The following MKRN1 variants were observed in gnomAD, a reference collection of about 807,000 sequenced individuals.
MKRN1 encodes the protein makorin ring finger protein 1.
In MKRN1, 9 loss-of-function variants were observed where a neutral mutation model predicts 55.5. That is an observed-to-expected ratio of 0.16 (90% CI 0.10 to 0.28). MKRN1 has a LOEUF of 0.28. MKRN1 is among the 10% of genes least tolerant of loss of function. The pLI, the probability that MKRN1 is intolerant of heterozygous loss-of-function variation, is 1.00. For synonymous variants in MKRN1, 253 were observed against 235.9 expected, an observed-to-expected ratio of 1.07 and a Z score of -0.66; for missense variants, 488 against 626.7, an observed-to-expected ratio of 0.78 and a Z score of 2.36.
chr7:140,456,640 G>A lies in MKRN1; in HGVS notation c.986+12C>T. 1 of 1,613,334 alleles carries A rather than the reference G, an allele frequency of 6.2e-7. No individual in the cohort carries two copies. The highest frequency in any genetic ancestry group is 1.1e-5 in the South Asian group (1 of 91,036). On this transcript the variant is annotated intron_variant, in intron 5 of 7. Coordinates refer to ENST00000255977, the MANE Select transcript of MKRN1 (RefSeq NM_013446.4). ...AGAGAAAGCACAAATGAAGACTGGG[G>A]AGGAGTCTCACTTTATGATCTTGCT... is the stretch of plus-strand genomic sequence containing the variant.
At chr7:140,460,310 C>CTTTTTTTTTTT in intron 2 of MKRN1, 1 of 112,352 alleles carries the variant, frequency 8.9e-6, no homozygotes, top group Non-Finnish European at 1.7e-5. Flanking sequence ...TTTTTCTTTT[C>CTTTTTTTTTTT]TTTTTTTTTT....
At chr7:140,478,488 A>C (rs992190224) in intron 1 of MKRN1, 1 of 144,734 alleles carries the variant, frequency 6.9e-6, no homozygotes, top group Non-Finnish European at 1.5e-5. Flanking sequence ...GCTCAAAAAA[A>C]CCGCGGGTGG....
At chr7:140,475,239 A>G (rs1252807064) in intron 1 of MKRN1, 5 of 430,506 alleles carry the variant, frequency 1.2e-5, no homozygotes, top group Non-Finnish European at 2.3e-5. Flanking sequence ...GCTTCTCGGA[A>G]GGCTGAGGCA....
At chr7:140,457,151 G>A (rs911232236) in intron 4 of MKRN1, among the ~76,000 whole-genome samples, 1 of 152,060 alleles carries the variant, frequency 6.6e-6, no homozygotes, top group Non-Finnish European at 1.5e-5. Flanking sequence ...CAAACCTGGA[G>A]CTCAACTACA....
intron 1 of MKRN1, among the ~76,000 whole-genome samples, chr7:140,472,860 G>T (rs540740633): frequency 7.5e-4 from 114 of 151,720 alleles, no homozygotes; most frequent in Non-Finnish European, 1.1e-3. Context: ...GCCCACACCT[G>T]TAATCCCAGC....
At chr7:140,467,435 G>A (rs905496031) in intron 2 of MKRN1, among the ~76,000 whole-genome samples, 23 of 152,006 alleles carry the variant, frequency 1.5e-4, no homozygotes, top group Admixed American at 1.3e-3. Flanking sequence ...GTGCCACCAT[G>A]CCCAGCTAAT....
intron 5 of MKRN1, 28 bp from the exon 6 acceptor site, chr7:140,455,928 CA>C: frequency 1.3e-6 from 2 of 1,571,162 alleles, no homozygotes; most frequent in Non-Finnish European, 8.8e-7. Flanking sequence ...GGCTGCAATG[CA>C]AATTCCCCTT....
intron 6 of MKRN1, 141 bp from the exon 7 acceptor site, chr7:140,455,374 A>G (rs1794438237): frequency 9.6e-7 from 1 of 1,044,550 alleles, no homozygotes; most frequent in Non-Finnish European, 1.4e-6. Flanking sequence ...TCTTATAAAC[A>G]TGTGTGTGCC....
At chr7:140,468,530 A>G (rs1443605100) in intron 2 of MKRN1, among the ~76,000 whole-genome samples, 1 of 151,500 alleles carries the variant, frequency 6.6e-6, no homozygotes, top group African/African-American at 2.4e-5. Flanking sequence ...GTGAAACCCT[A>G]ACTCTACTAA....
chr7:140,466,968 T>C (rs927927586), intron 2 of MKRN1, among the ~76,000 whole-genome samples: 4 of 144,494 alleles, frequency 2.8e-5, no homozygotes, highest in African/African-American at 1.1e-4. Flanking sequence ...TAAGGTTCCT[T>C]TCAACTTTTT....
chr7:140,459,272 T>C (rs1794551376), intron 3 of MKRN1, 39 bp from the exon 4 acceptor site: 2 of 1,595,392 alleles, frequency 1.3e-6, no homozygotes, highest in Admixed American at 1.7e-5. Context: ...TCCAAATAGA[T>C]AAGGCATGAA....
At chr7:140,457,054 T>C in intron 4 of MKRN1, 188 bp from the exon 5 acceptor site, 1 of 622,156 alleles carries the variant, frequency 1.6e-6, no homozygotes, top group East Asian at 3.0e-5. Context: ...GTTTGTTTGT[T>C]TTTGCGGTGG....
intron 2 of MKRN1, 150 bp from the exon 3 acceptor site, chr7:140,460,086 CA>C: frequency 1.5e-6 from 1 of 671,072 alleles, no homozygotes. Flanking sequence ...CCGTCACTAC[CA>C]AAAACGCAAA....
At position 140,454,299 on chromosome 7, in the gene MKRN1, C is replaced by T; in HGVS notation, c.*218G>A. ...TTAAATTCGTGTTACAAAAAACTAA[C>T]TTTAAGATTTATTTTTGTAACTTTT... On this transcript the variant is annotated 3_prime_UTR_variant, in exon 8 of 8. Coordinates refer to ENST00000255977, the MANE Select transcript of MKRN1 (RefSeq NM_013446.4). The T allele has an allele frequency of 1.7e-6, 1 of 578,588 alleles. No homozygotes were observed. The highest frequency in any genetic ancestry group is 3.1e-6 in the Non-Finnish European group (1 of 324,722). 35.8% of individuals were successfully genotyped at this position (578,588 alleles called of 1,614,324 possible). A position where few individuals can be genotyped will look rare whatever the true frequency, so the allele number is the denominator to read the frequency against.
Position 140,454,455 on chromosome 7 carries a change from C to T in MKRN1, c.*62G>A. ...AGGAGAGAACACAGGCACTGCCACA[C>T]CACCACAGGGGACAGCTGCTGTCTG... On this transcript the variant is annotated 3_prime_UTR_variant, in exon 8 of 8. Coordinates refer to ENST00000255977, the MANE Select transcript of MKRN1 (RefSeq NM_013446.4). The T allele has an allele frequency of 2.7e-6, 4 of 1,508,554 alleles. No individual in the cohort carries two copies. The highest frequency in any genetic ancestry group is 3.6e-6 in the Non-Finnish European group (4 of 1,099,784). The allele number at this position is 1,508,554 out of a possible 1,614,324, so 93.4% of individuals were successfully genotyped here. A position where few individuals can be genotyped will look rare whatever the true frequency, so the allele number is the denominator to read the frequency against.
intron 2 of MKRN1, among the ~76,000 whole-genome samples, chr7:140,465,106 T>C (rs573980436): frequency 6.6e-6 from 1 of 152,294 alleles, no homozygotes; most frequent in Admixed American, 6.5e-5. Context: ...CTTTCCCTGG[T>C]TGGTTTACAA....
At chr7:140,455,453 A>G in intron 6 of MKRN1, 1 of 591,470 alleles carries the variant, frequency 1.7e-6, no homozygotes, top group Non-Finnish European at 3.0e-6. Flanking sequence ...GCTCTAGTAC[A>G]AGCAGATGCC....
chr7:140,457,389 G>C (rs1324065754), intron 4 of MKRN1, among the ~76,000 whole-genome samples: 1 of 152,138 alleles, frequency 6.6e-6, no homozygotes, highest in Non-Finnish European at 1.5e-5. Context: ...ATGCTGCCAA[G>C]AACATTCATG....
intron 5 of MKRN1, 170 bp from the exon 6 acceptor site, chr7:140,456,070 A>C (rs1246861131): frequency 1.0e-5 from 10 of 978,498 alleles, no homozygotes; most frequent in Non-Finnish European, 1.4e-5. Context: ...TCTTTCAAGC[A>C]AGGCAACCTC....
Sources: gnomAD v4.1 joint callset for allele counts (sites outside exome capture counted in the v4.1 genomes callset) on GRCh38, gnomAD v4.1.1 for gene constraint, MANE v1.5 for transcripts, NCBI Gene and HGNC (gene_info 2026-07-23, HGNC 2026-07-21) for gene names.